RPGR: variants seen among roughly 807,000 people sequenced by gnomAD.
RPGR encodes X-linked retinitis pigmentosa GTPase regulator.
RPGR carries 10 observed loss-of-function variants against 56.3 expected under a neutral mutation model. That is an observed-to-expected ratio of 0.18 (90% CI 0.11 to 0.30). The LOEUF (loss-of-function observed/expected upper bound fraction) is 0.30, where lower values mean the gene tolerates loss of function less well. Among genes scored for constraint, RPGR ranks in the 10% least tolerant of loss-of-function variants. The pLI is 1.00. For synonymous variants in RPGR, 197 were observed against 212.9 expected, an observed-to-expected ratio of 0.93 and a Z score of 0.65; for missense variants, 538 against 590.9, an observed-to-expected ratio of 0.91 and a Z score of 0.93.
rs759448363 is a variant in RPGR, at chrX:38,291,035, TA to T, written c.1507-12del. On this transcript the variant is annotated splice_polypyrimidine_tract_variant and intron_variant, in intron 12 of 18. Transcript: ENST00000642395. Reference sequence around the variant, plus strand: ...GCTCATGATGTGTGTCTGAAATAAATAAAAAATATATATTATAAAAAGAATA... The same window carrying T: ...GCTCATGATGTGTGTCTGAAATAAATAAAAATATATATTATAAAAAGAATA... 17 of 796,414 alleles carry T rather than the reference TA, an allele frequency of 2.1e-5. 1 individual carries two copies. In the Admixed American group the frequency reaches 2.3e-4, roughly 11 times the overall value. The allele number at this position is 796,414 out of a possible 1,213,427, so 65.6% of individuals were successfully genotyped here. A position where few individuals can be genotyped will look rare whatever the true frequency, so the allele number is the denominator to read the frequency against.
At chrX:38,327,272 G>A in intron 1 of RPGR, 68 bp downstream of exon 1, 2 of 1,093,269 alleles carry the variant, frequency 1.8e-6, no homozygotes, top group South Asian at 2.0e-5. Flanking sequence ...GGCCGATCCG[G>A]AGGCGGGGCC....
intron 7 of RPGR, among the ~76,000 whole-genome samples, chrX:38,305,761 T>C (rs1358576949): frequency 2.7e-5 from 2 of 74,406 alleles, no homozygotes; most frequent in Non-Finnish European, 5.2e-5. Flanking sequence ...TAAAATAAAA[T>C]AAAATAAAAT....
At chrX:38,298,405 C>A in intron 10 of RPGR, 1 of 323,436 alleles carries the variant, frequency 3.1e-6, no homozygotes, top group East Asian at 9.8e-5. Flanking sequence ...TTTCCCATTT[C>A]ATTGTTTATA....
At chrX:38,304,481 C>T in intron 8 of RPGR, among the ~76,000 whole-genome samples, 154 bp downstream of exon 8, 1 of 112,004 alleles carries the variant, frequency 8.9e-6, no homozygotes, top group Non-Finnish European at 1.9e-5. Context: ...AAAAAGTTCA[C>T]AACTTTATAC....
chrX:38,284,459 C>T (rs2067091649), intron 15 of RPGR: 1 of 749,792 alleles, frequency 1.3e-6, no homozygotes, highest in African/African-American at 2.3e-5. Flanking sequence ...AACAGACAAA[C>T]TGAAATTACA....
chrX:38,326,339 G>A (rs761405271), intron 1 of RPGR, among the ~76,000 whole-genome samples: 1 of 111,944 alleles, frequency 8.9e-6, no homozygotes, highest in Non-Finnish European at 1.9e-5. Flanking sequence ...TTTCAGTGAA[G>A]GTATGATTCT....
intron 6 of RPGR, 92 bp downstream of exon 6, chrX:38,317,224 T>C: frequency 1.1e-6 from 1 of 940,340 alleles, no homozygotes; most frequent in Non-Finnish European, 1.5e-6. Flanking sequence ...ATGGCATTAT[T>C]TCTATAGAAC....
At chrX:38,290,463 A>G (rs1205023958) in intron 13 of RPGR, among the ~76,000 whole-genome samples, 1 of 112,292 alleles carries the variant, frequency 8.9e-6, no homozygotes, top group Admixed American at 9.4e-5. Flanking sequence ...TTTTTATGCT[A>G]TCAATTTCTT....
chrX:38,296,645 T>C (rs768777757), intron 11 of RPGR, among the ~76,000 whole-genome samples: 2 of 111,821 alleles, frequency 1.8e-5, no homozygotes, highest in Non-Finnish European at 3.8e-5. Context: ...TTATTTTATA[T>C]GCCTGATCTC....
chrX:38,310,195 TCTCCTGGC>T (rs910066199), intron 7 of RPGR, among the ~76,000 whole-genome samples: 11 of 110,834 alleles, frequency 9.9e-5, no homozygotes, highest in Non-Finnish European at 1.9e-4. Flanking sequence ...GCTCAAGAGA[TCTCCTGGC>T]CTCCCAAAAT....
Position 38,327,329 on chromosome X carries a change from G to T in RPGR, c.28+11C>A. On this transcript the variant is annotated intron_variant, in intron 1 of 18. Coordinates refer to ENST00000642395, the MANE Select transcript of RPGR (RefSeq NM_000328.3). ...TCCCGGCCTTCCGCCACCGGCGCGG[G>T]CGCAACTCACCGGGCATCAGCTCTT... The T allele has an allele frequency of 8.4e-7, 1 of 1,186,538 alleles. No homozygotes were observed. The highest frequency in any genetic ancestry group is 1.1e-6 in the Non-Finnish European group (1 of 885,388).
At chrX:38,299,481 C>A (rs2067459265) in intron 9 of RPGR, among the ~76,000 whole-genome samples, 1 of 111,331 alleles carries the variant, frequency 9.0e-6, no homozygotes, top group African/African-American at 3.3e-5. Flanking sequence ...GTATTTTAAT[C>A]TGGGAAGAAC....
chrX:38,276,150 A>G (rs2066930009), intron 16 of RPGR, among the ~76,000 whole-genome samples: 1 of 111,988 alleles, frequency 8.9e-6, no homozygotes, highest in African/African-American at 3.2e-5. Context: ...ACTGATCACA[A>G]CTTCAAATAC....
At chrX:38,271,865 C>G (rs751486743) in intron 18 of RPGR, among the ~76,000 whole-genome samples, 50 of 112,172 alleles carry the variant, frequency 4.5e-4, no homozygotes, top group African/African-American at 1.5e-3. Flanking sequence ...TTACTAAATA[C>G]AGAATGTAAA....
In RPGR at chrX:38,322,901, A is replaced by G. The variant is rs2067975560; in HGVS notation, c.199T>C (p.Leu67=). The G allele has an allele frequency of 8.3e-7, 1 of 1,208,745 alleles. No individual in the cohort carries two copies. Among genetic ancestry groups the G allele is most frequent in the Admixed American group, 2.2e-5 (1 of 45,736 alleles). Residue 67 remains leucine (L), a synonymous_variant, in exon 3 of 19, where the codon TTA becomes CTA. Coordinates refer to ENST00000642395, the MANE Select transcript of RPGR (RefSeq NM_000328.3). ...ATGGCTGACTTTGATCCTAATCCTA[A>G]CTGACCCCAGTTGTTACTGCCAAAC...
intron 3 of RPGR, 87 bp downstream of exon 3, chrX:38,322,766 A>G: frequency 1.4e-6 from 1 of 709,130 alleles, no homozygotes; most frequent in South Asian, 2.4e-5. Context: ...AAGAACTAAA[A>G]GCTTTATTAT....
chrX:38,297,131 T>C (rs190512817), intron 11 of RPGR, among the ~76,000 whole-genome samples, 153 bp downstream of exon 11: 1 of 111,955 alleles, frequency 8.9e-6, no homozygotes, highest in East Asian at 2.8e-4. Context: ...CTTGTAAGGA[T>C]ATTCCCGGAT....
chrX:38,321,644 A>G (rs2067942594), intron 3 of RPGR, among the ~76,000 whole-genome samples: 1 of 102,954 alleles, frequency 9.7e-6, no homozygotes, highest in Admixed American at 1.1e-4. Context: ...TGGGTGACAG[A>G]GCAAGACCCT....
chrX:38,304,678 T>C lies in RPGR; in HGVS notation c.891A>G (p.Ile297Met). The C allele has an allele frequency of 8.3e-7, 1 of 1,201,747 alleles. No homozygotes were observed. The highest frequency in any genetic ancestry group is 1.7e-5 in the African/African-American group (1 of 57,675). ...GATTTTCTCCACAAGAAATATAACT[T>C]ATTGTTTGATCCCTAATATTCTCAA... Residue 297 changes from isoleucine (I) to methionine (M), a missense_variant, in exon 8 of 19, where the codon ATA becomes ATG. Transcript: ENST00000642395.
Sources: allele counts gnomAD v4.1 joint callset (sites outside exome capture counted in the v4.1 genomes callset), GRCh38; gene constraint gnomAD v4.1.1; transcripts MANE v1.5; gene names NCBI Gene and HGNC (gene_info 2026-07-23, HGNC 2026-07-21).